The following NCKAP5 variants were observed in gnomAD, a reference collection of about 807,000 sequenced individuals.
NCKAP5 encodes nck-associated protein 5.
Under a neutral mutation model 167.0 loss-of-function variants are expected in NCKAP5, and 92 were observed. The ratio of observed to expected loss-of-function variants is 0.55; its 90% CI spans 0.47 to 0.66. NCKAP5 has a LOEUF of 0.66. Among genes scored for constraint, NCKAP5 ranks in the 30% least tolerant of loss-of-function variants. The pLI, the probability that NCKAP5 is intolerant of heterozygous loss-of-function variation, is 0.00. For synonymous variants in NCKAP5, 891 were observed against 877.4 expected (o/e 1.02, Z -0.27); for missense variants, 2,378 against 2,315.0 (o/e 1.03, Z -0.56).
chr2:132,961,764 A>G (rs1317927730), intron 8 of NCKAP5, among the ~76,000 whole-genome samples: 3 of 152,054 alleles, frequency 2.0e-5, no homozygotes, highest in Non-Finnish European at 4.4e-5. Flanking sequence ...TGTCTCTAAC[A>G]ACAACATGAA....
chr2:133,209,213 C>T (rs2086098645), intron 5 of NCKAP5, among the ~76,000 whole-genome samples: 2 of 151,830 alleles, frequency 1.3e-5, no homozygotes, highest in African/African-American at 4.8e-5. Flanking sequence ...TCTCAGTAAA[C>T]TGAGCCAGTG....
chr2:132,907,655 C>A (rs1694105041), intron 8 of NCKAP5, among the ~76,000 whole-genome samples: 1 of 151,848 alleles, frequency 6.6e-6, no homozygotes, highest in Non-Finnish European at 1.5e-5. Flanking sequence ...TTAATGTAAT[C>A]ATTCTTTTTT....
intron 3 of NCKAP5, among the ~76,000 whole-genome samples, chr2:133,362,009 A>C (rs1285416002): frequency 6.9e-6 from 1 of 144,016 alleles, no homozygotes; most frequent in Non-Finnish European, 1.5e-5. Flanking sequence ...CTGTTTAAAA[A>C]ATGAAAAAAA....
chr2:133,607,123 T>A, the NCKAP5 span, among the ~76,000 whole-genome samples: 1 of 152,232 alleles, frequency 6.6e-6, no homozygotes, highest in East Asian at 1.9e-4. Context: ...ATTTATTACA[T>A]CAGTATGTGT....
intron 6 of NCKAP5, among the ~76,000 whole-genome samples, chr2:133,049,063 C>T (rs535800080): frequency 6.6e-6 from 1 of 152,300 alleles, no homozygotes; most frequent in African/African-American, 2.4e-5. Flanking sequence ...CCTCCATTAT[C>T]ATCTGAAGTG....
At chr2:133,118,807 T>C (rs2082164351) in intron 6 of NCKAP5, 1 of 152,110 alleles carries the variant, frequency 6.6e-6, no homozygotes. Context: ...GTCCATGTCA[T>C]AAATGCAATT....
chr2:133,356,712 A>C (rs1319285753), intron 3 of NCKAP5, among the ~76,000 whole-genome samples: 1 of 152,264 alleles, frequency 6.6e-6, no homozygotes, highest in Non-Finnish European at 1.5e-5. Context: ...GAAGAAAGTC[A>C]TTCACTCAGG....
intron 3 of NCKAP5, among the ~76,000 whole-genome samples, chr2:133,353,168 A>G (rs1345834743): frequency 1.3e-5 from 2 of 152,228 alleles, no homozygotes; most frequent in Non-Finnish European, 1.5e-5. Context: ...AACTCAGAGC[A>G]TTAGTATTGG....
chr2:133,478,053 C>T (rs564134490), intron 3 of NCKAP5, among the ~76,000 whole-genome samples: 7 of 152,254 alleles, frequency 4.6e-5, no homozygotes, highest in Non-Finnish European at 8.8e-5. Context: ...TATAAACACT[C>T]TTATTATTCC....
intron 2 of NCKAP5, among the ~76,000 whole-genome samples, chr2:133,539,774 C>G (rs1686070172): frequency 6.6e-6 from 1 of 152,086 alleles, no homozygotes; most frequent in Admixed American, 6.6e-5. Context: ...AATATCCATT[C>G]AAAGTCTCCA....
At chr2:133,449,251 C>T (rs557614584) in intron 3 of NCKAP5, among the ~76,000 whole-genome samples, 2 of 152,308 alleles carry the variant, frequency 1.3e-5, no homozygotes, top group African/African-American at 2.4e-5. Context: ...TTTCCCTAAA[C>T]TGCTATTCAT....
chr2:133,435,767 C>CT (rs1690434360), intron 3 of NCKAP5, among the ~76,000 whole-genome samples: 1 of 152,056 alleles, frequency 6.6e-6, no homozygotes, highest in Non-Finnish European at 1.5e-5. Flanking sequence ...ACAGGGAAGG[C>CT]TGGGTGAGTT....
the NCKAP5 span, among the ~76,000 whole-genome samples, chr2:133,606,145 A>AC: frequency 6.6e-6 from 1 of 151,958 alleles, no homozygotes; most frequent in Non-Finnish European, 1.5e-5. Flanking sequence ...ACTTCAAAAA[A>AC]AATTGAAGGC....
intron 6 of NCKAP5, among the ~76,000 whole-genome samples, chr2:133,107,653 A>T (rs190421329): frequency 3.9e-5 from 6 of 152,322 alleles, no homozygotes; most frequent in South Asian, 2.1e-4. Flanking sequence ...GAGAGCCACT[A>T]TGAGGCGGGT....
intron 7 of NCKAP5, among the ~76,000 whole-genome samples, chr2:132,982,368 G>A (rs1029339929): frequency 6.6e-6 from 1 of 152,112 alleles, no homozygotes; most frequent in African/African-American, 2.4e-5. Flanking sequence ...GAGAAAGCTA[G>A]GATTCATTTC....
At chr2:133,439,214 G>C (rs775658802) in intron 3 of NCKAP5, among the ~76,000 whole-genome samples, 2 of 152,184 alleles carry the variant, frequency 1.3e-5, no homozygotes, top group Non-Finnish European at 2.9e-5. Flanking sequence ...CTTCCACTAA[G>C]AAGATAATCT....
chr2:133,297,589 C>A (rs1237700066), intron 4 of NCKAP5, among the ~76,000 whole-genome samples: 1 of 152,148 alleles, frequency 6.6e-6, no homozygotes, highest in East Asian at 1.9e-4. Context: ...GACTAGCAGC[C>A]CCCTCCATGG....
chr2:133,150,903 A>C (rs1421782583), intron 5 of NCKAP5, among the ~76,000 whole-genome samples: 2 of 152,218 alleles, frequency 1.3e-5, no homozygotes, highest in Non-Finnish European at 2.9e-5. Flanking sequence ...GCAATGAACA[A>C]ACTACAACTA....
intron 3 of NCKAP5, among the ~76,000 whole-genome samples, chr2:133,367,343 C>T (rs1434254151): frequency 1.3e-5 from 2 of 152,168 alleles, no homozygotes; most frequent in African/African-American, 4.8e-5. Flanking sequence ...GAGCTCTGGG[C>T]TTCCCCTCCA....
Sources: gnomAD v4.1 joint callset for allele counts (sites outside exome capture counted in the v4.1 genomes callset) on GRCh38, gnomAD v4.1.1 for gene constraint, MANE v1.5 for transcripts, NCBI Gene and HGNC (gene_info 2026-07-23, HGNC 2026-07-21) for gene names.